COBL: variants seen among roughly 807,000 people sequenced by gnomAD.
COBL encodes the protein cordon-bleu WH2 repeat protein, also known as protein cordon-bleu.
A neutral mutation model predicts 98.8 loss-of-function variants in COBL; 51 were observed. That is an observed-to-expected ratio of 0.52 (90% confidence interval 0.41 to 0.65). The LOEUF is 0.65. Among genes scored for constraint, COBL ranks in the 30% least tolerant of loss-of-function variants. The probability of loss-of-function intolerance (pLI) is 0.00; values close to 1 mark genes in which losing one functional copy is unlikely to be tolerated. For synonymous variants in COBL, 634 were observed against 651.7 expected (o/e 0.97, Z 0.41); for missense variants, 1,617 against 1,617.5 (o/e 1.00, Z 0.01).
chr7:51,290,592 A>C (rs923765246), intron 1 of COBL, among the ~76,000 whole-genome samples: 2 of 152,014 alleles, frequency 1.3e-5, no homozygotes, highest in Non-Finnish European at 2.9e-5. Flanking sequence ...ATTCAAATTT[A>C]GGCTCGCCCC....
intron 5 of COBL, among the ~76,000 whole-genome samples, chr7:51,175,757 G>A (rs1312366547): frequency 2.6e-5 from 4 of 152,210 alleles, no homozygotes; most frequent in Non-Finnish European, 5.9e-5. Flanking sequence ...CCCTTCCTCT[G>A]GCTTGCCTGA....
chr7:51,161,629 G>A (rs1333815871), intron 5 of COBL, among the ~76,000 whole-genome samples: 1 of 150,014 alleles, frequency 6.7e-6, no homozygotes, highest in African/African-American at 2.5e-5. Flanking sequence ...TTTGTTGTTT[G>A]CTTGTTTTAT....
At chr7:51,027,540 A>T (rs960105507) in intron 10 of COBL, among the ~76,000 whole-genome samples, 172 bp downstream of exon 10, 2 of 152,222 alleles carry the variant, frequency 1.3e-5, no homozygotes, top group African/African-American at 4.8e-5. Context: ...TTCAGTACAA[A>T]TATCTGGAGG....
At position 51,168,015 on chromosome 7, in the gene COBL, G is replaced by C. The variant is rs115135037; in HGVS notation, c.783+16087C>G. Among the ~76,000 whole-genome samples the C allele has an allele frequency of 2.7e-3, 409 of 152,180 alleles. 4 individuals are homozygous for C. Among genetic ancestry groups the C allele is most frequent in the African/African-American group, 9.4e-3 (392 of 41,504 alleles). The stretch of plus-strand genomic sequence containing the variant: ...ATATTGGTCTGGGCAAAAATTTCTT[G>C]AGCAGTACCCCACAAGTATAGGCAA... On this transcript the variant is annotated intron_variant, in intron 5 of 12. Transcript: ENST00000265136.
At chr7:51,093,585 G>T (rs1382036630) in intron 6 of COBL, among the ~76,000 whole-genome samples, 1 of 152,154 alleles carries the variant, frequency 6.6e-6, no homozygotes, top group Non-Finnish European at 1.5e-5. Context: ...GCCACAGCAG[G>T]GCTGTATGAG....
At chr7:51,201,239 CA>C (rs1157303332) in intron 2 of COBL, among the ~76,000 whole-genome samples, 3,737 of 57,798 alleles carry the variant, frequency 0.065, 78 homozygotes, top group South Asian at 0.25. Flanking sequence ...GACTCCGTCT[CA>C]AAAAAAAAAA....
At chr7:51,126,106 T>A (rs904617153) in intron 6 of COBL, among the ~76,000 whole-genome samples, 5 of 152,174 alleles carry the variant, frequency 3.3e-5, no homozygotes, top group African/African-American at 1.2e-4. Context: ...GGTGAACAGA[T>A]TACTTGAGGT....
rs1787590304 is a variant in COBL at position 51,026,586 on chromosome 7, G to A, written c.3464C>T (p.Ala1155Val). Residue 1155 changes from alanine (A) to valine (V), a missense_variant, in exon 11 of 13, where the codon GCA (alanine) becomes GTA (valine). Coordinates refer to ENST00000265136, the MANE Select transcript of COBL (RefSeq NM_015198.5). The part of the protein sequence containing the change: ...EAEGERSALL[A>V]AIRGHSGTCS... The stretch of plus-strand genomic sequence containing the variant: ...GGTGCCGCTGTGCCCGCGGATAGCT[G>A]CCAGCAGTGCAGATCGTTCGCCCTC... 6.2e-7 allele frequency: 1 copy of A among 1,614,050 alleles called. No homozygotes were observed. Among genetic ancestry groups the A allele is most frequent in the Non-Finnish European group, 8.5e-7 (1 of 1,180,054 alleles).
At chr7:51,118,037 C>T (rs1238494001) in intron 6 of COBL, among the ~76,000 whole-genome samples, 1 of 152,112 alleles carries the variant, frequency 6.6e-6, no homozygotes, top group East Asian at 1.9e-4. Context: ...TATGGCTGTC[C>T]CTCTCTGGCT....
At chr7:51,114,052 G>T (rs1186314557) in intron 6 of COBL, among the ~76,000 whole-genome samples, 1 of 152,202 alleles carries the variant, frequency 6.6e-6, no homozygotes, top group Non-Finnish European at 1.5e-5. Flanking sequence ...CCAACACTCT[G>T]AACTGCTGTG....
chr7:51,048,991 C>T (rs1789983624), intron 7 of COBL, among the ~76,000 whole-genome samples: 3 of 152,086 alleles, frequency 2.0e-5, no homozygotes, highest in Admixed American at 2.0e-4. Context: ...TTGTCACATA[C>T]GAAGGTAAAT....
chr7:51,224,646 C>T (rs1005411113), intron 1 of COBL, among the ~76,000 whole-genome samples: 3 of 151,934 alleles, frequency 2.0e-5, no homozygotes, highest in Admixed American at 1.3e-4. Flanking sequence ...AACTGACAGA[C>T]AGCACACCAC....
intron 7 of COBL, among the ~76,000 whole-genome samples, chr7:51,057,376 G>A (rs755819305): frequency 6.6e-6 from 1 of 151,978 alleles, no homozygotes; most frequent in Non-Finnish European, 1.5e-5. Flanking sequence ...GAGGTTTCAG[G>A]CATCCATGGA....
chr7:51,054,546 A>AT (rs1790543335), intron 7 of COBL, among the ~76,000 whole-genome samples: 1 of 151,766 alleles, frequency 6.6e-6, no homozygotes, highest in Admixed American at 6.6e-5. Flanking sequence ...TGACTTTCTG[A>AT]TGTTTTTTCT....
At chr7:51,051,430 T>C (rs1171626138) in intron 7 of COBL, among the ~76,000 whole-genome samples, 1 of 152,268 alleles carries the variant, frequency 6.6e-6, no homozygotes, top group Non-Finnish European at 1.5e-5. Flanking sequence ...TCTTGTTTTA[T>C]GTGATGATCT....
At chr7:51,131,669 C>A (rs940006914) in intron 6 of COBL, among the ~76,000 whole-genome samples, 2 of 151,988 alleles carry the variant, frequency 1.3e-5, no homozygotes, top group Admixed American at 6.5e-5. Flanking sequence ...TCTCGGCCCA[C>A]TGCAACCCCC....
At position 51,252,973 on chromosome 7, in the gene COBL, A is replaced by G. The variant is rs141446061; in HGVS notation, c.42-33029T>C. On this transcript the variant is annotated intron_variant, in intron 1 of 12. Transcript: ENST00000265136. Reference sequence around the variant, plus strand: ...CACAGTGGTTCACGCCTGTAATCGCAGCACCTTGGGAGGCCGAGGCGGGCA... The same window carrying G: ...CACAGTGGTTCACGCCTGTAATCGCGGCACCTTGGGAGGCCGAGGCGGGCA... Among the ~76,000 whole-genome samples, 468 of 152,310 alleles carry G rather than the reference A, an allele frequency of 3.1e-3. 2 individuals are homozygous for G. Among genetic ancestry groups the G allele is most frequent in the African/African-American group, 0.011 (437 of 41,572 alleles).
At position 51,144,566 on chromosome 7, in the gene COBL, T is replaced by C. The variant is rs149589546; in HGVS notation, c.784-8235A>G. Among the ~76,000 whole-genome samples the C allele has an allele frequency of 2.4e-4, 37 of 152,334 alleles. No individual in the cohort carries two copies. In the East Asian group the frequency reaches 5.8e-3, roughly 24 times the overall value. ...TGTAATAACATAAAATTAACCGTGTTAGCCATTTTAAAGCATACAATCCGT... is the reference window on the plus strand; with the variant it reads ...TGTAATAACATAAAATTAACCGTGTCAGCCATTTTAAAGCATACAATCCGT... On this transcript the variant is annotated intron_variant, in intron 5 of 12. Transcript: ENST00000265136.
chr7:51,114,487 CAGTT>C (rs1797107032), intron 6 of COBL, among the ~76,000 whole-genome samples: 1 of 152,180 alleles, frequency 6.6e-6, no homozygotes, highest in Non-Finnish European at 1.5e-5. Flanking sequence ...AAAGAAATCA[CAGTT>C]AGCCAGAATC....
Sources: allele counts gnomAD v4.1 joint callset (sites outside exome capture counted in the v4.1 genomes callset), GRCh38; gene constraint gnomAD v4.1.1; transcripts MANE v1.5; gene names NCBI Gene and HGNC (gene_info 2026-07-23, HGNC 2026-07-21).